Variants in ZDHHC15 observed in about 807,000 individuals in gnomAD.
The protein encoded by ZDHHC15 is zDHHC palmitoyltransferase 15, also known as palmitoyltransferase ZDHHC15.
In ZDHHC15, 19 loss-of-function variants were observed where a neutral mutation model predicts 31.7. That is an observed-to-expected ratio of 0.60 (90% CI 0.42 to 0.88). The LOEUF (loss-of-function observed/expected upper bound fraction) is 0.88, where lower values mean the gene tolerates loss of function less well. Among genes scored for constraint, ZDHHC15 ranks in the 40% least tolerant of loss-of-function variants. ZDHHC15 has a pLI of 0.00. For synonymous variants in ZDHHC15, 103 were observed against 90.0 expected, an observed-to-expected ratio of 1.14 and a Z score of -0.82; for missense variants, 209 against 251.2, an observed-to-expected ratio of 0.83 and a Z score of 1.14.
intron 2 of ZDHHC15, among the ~76,000 whole-genome samples, chrX:75,504,128 A>G (rs2085124729): frequency 9.0e-6 from 1 of 111,615 alleles, no homozygotes. Context: ...GGTCACATTT[A>G]CAAGTTCCAG....
intron 3 of ZDHHC15, among the ~76,000 whole-genome samples, chrX:75,472,349 G>A (rs756813247): frequency 8.9e-6 from 1 of 112,178 alleles, no homozygotes; most frequent in Non-Finnish European, 1.9e-5. Context: ...TGGAAGGACA[G>A]CGGTGTAAAG....
intron 8 of ZDHHC15, among the ~76,000 whole-genome samples, chrX:75,424,090 G>A (rs1467870938): frequency 9.0e-6 from 1 of 111,090 alleles, no homozygotes; most frequent in African/African-American, 3.3e-5. Flanking sequence ...TCATTTTCTA[G>A]AGAATCATTT....
intron 2 of ZDHHC15, among the ~76,000 whole-genome samples, chrX:75,489,819 T>C (rs1468226084): frequency 9.0e-6 from 1 of 111,366 alleles, no homozygotes; most frequent in Non-Finnish European, 1.9e-5. Flanking sequence ...TTCGAACCCA[T>C]GGCAAAGAAG....
chrX:75,409,818 A>AAAC (rs1280655279), intron 10 of ZDHHC15, among the ~76,000 whole-genome samples: 1 of 79,270 alleles, frequency 1.3e-5, no homozygotes, highest in Non-Finnish European at 2.3e-5. Context: ...AAAAAAAAAA[A>AAAC]AACAACAACA....
At chrX:75,476,251 A>AT (rs760957242) in intron 3 of ZDHHC15, among the ~76,000 whole-genome samples, 83 of 103,726 alleles carry the variant, frequency 8.0e-4, no homozygotes, top group East Asian at 3.4e-3. Flanking sequence ...AATGTTTCTT[A>AT]TTTTTTTTTT....
intron 2 of ZDHHC15, among the ~76,000 whole-genome samples, chrX:75,503,756 G>C (rs1457340629): frequency 1.8e-5 from 2 of 111,417 alleles, no homozygotes; most frequent in East Asian, 5.6e-4. Flanking sequence ...GGTAATAAAT[G>C]ACCACAAGCT....
chrX:75,488,174 A>G (rs1033952911), intron 2 of ZDHHC15, among the ~76,000 whole-genome samples: 9 of 111,854 alleles, frequency 8.0e-5, no homozygotes, highest in African/African-American at 1.3e-4. Context: ...CCAAGAACAC[A>G]TGGGAAATTC....
At chrX:75,388,123 A>T (rs2083199474) in intron 10 of ZDHHC15, among the ~76,000 whole-genome samples, 1 of 112,349 alleles carries the variant, frequency 8.9e-6, no homozygotes, top group Admixed American at 9.4e-5. Flanking sequence ...GCAGAGATAA[A>T]GTCTTTCCCG....
At chrX:75,472,190 C>A (rs958260856) in intron 3 of ZDHHC15, among the ~76,000 whole-genome samples, 1 of 111,880 alleles carries the variant, frequency 8.9e-6, no homozygotes, top group Non-Finnish European at 1.9e-5. Context: ...CTCCCCCAGC[C>A]TGCACTGATG....
chrX:75,434,689 G>T (rs2083826912), intron 4 of ZDHHC15, among the ~76,000 whole-genome samples: 1 of 111,774 alleles, frequency 8.9e-6, no homozygotes, highest in South Asian at 3.7e-4. Flanking sequence ...CTGTTCCATT[G>T]GTCTATGCAC....
At chrX:75,430,766 G>T (rs1035075374) in intron 5 of ZDHHC15, among the ~76,000 whole-genome samples, 1 of 111,472 alleles carries the variant, frequency 9.0e-6, no homozygotes, top group South Asian at 3.8e-4. Flanking sequence ...GATAAGTCAT[G>T]TTTATAGGTA....
intron 3 of ZDHHC15, among the ~76,000 whole-genome samples, chrX:75,474,446 T>C (rs765074560): frequency 0.014 from 908 of 66,073 alleles, 14 homozygotes; most frequent in African/African-American, 0.038. Context: ...TATATATATA[T>C]ATACACACAC....
At chrX:75,490,333 C>T (rs1039978853) in intron 2 of ZDHHC15, among the ~76,000 whole-genome samples, 3 of 111,510 alleles carry the variant, frequency 2.7e-5, no homozygotes, top group Non-Finnish European at 5.6e-5. Flanking sequence ...TTAAGGGCAG[C>T]AAGAGAGAAA....
intron 6 of ZDHHC15, 30 bp from the exon 7 acceptor site, chrX:75,429,228 C>T: frequency 8.4e-7 from 1 of 1,186,925 alleles, no homozygotes; most frequent in Non-Finnish European, 1.1e-6. Flanking sequence ...AATTTGACAT[C>T]AGGACCTCTT....
intron 1 of ZDHHC15, among the ~76,000 whole-genome samples, chrX:75,518,688 G>A (rs1189650751): frequency 3.9e-5 from 4 of 101,641 alleles, no homozygotes; most frequent in African/African-American, 1.4e-4. Context: ...ATACATGAAT[G>A]TTTGTAACAG....
intron 3 of ZDHHC15, among the ~76,000 whole-genome samples, chrX:75,477,806 A>C (rs891045611): frequency 8.9e-6 from 1 of 111,921 alleles, no homozygotes; most frequent in Non-Finnish European, 1.9e-5. Context: ...TTTTTTATCC[A>C]TTCTGCCAAT....
chrX:75,457,645 T>TCACACACACACACACACA (rs35992807), intron 3 of ZDHHC15, among the ~76,000 whole-genome samples: 16 of 93,929 alleles, frequency 1.7e-4, no homozygotes, highest in African/African-American at 6.1e-4. Flanking sequence ...TTATTTACAC[T>TCACACACACACACACACA]CACACACACA....
chrX:75,435,039 A>C (rs2083831600), intron 4 of ZDHHC15, among the ~76,000 whole-genome samples: 1 of 111,718 alleles, frequency 9.0e-6, no homozygotes, highest in Non-Finnish European at 1.9e-5. Context: ...TTTTCCTTGT[A>C]GAGGTCTTTC....
At chrX:75,516,458 C>G (rs1186291375) in intron 1 of ZDHHC15, among the ~76,000 whole-genome samples, 1 of 112,341 alleles carries the variant, frequency 8.9e-6, no homozygotes, top group Admixed American at 9.4e-5. Context: ...TGCTCTTTGT[C>G]AAACCTGACA....
Sources: gnomAD v4.1 joint callset for allele counts (sites outside exome capture counted in the v4.1 genomes callset) on GRCh38, gnomAD v4.1.1 for gene constraint, MANE v1.5 for transcripts, NCBI Gene and HGNC (gene_info 2026-07-23, HGNC 2026-07-21) for gene names.